The following TMX4 variants were observed in gnomAD, a reference collection of about 807,000 sequenced individuals.
TMX4 encodes the protein thioredoxin related transmembrane protein 4.
In TMX4, 23 loss-of-function variants were observed where a neutral mutation model predicts 33.3. That is an observed-to-expected ratio of 0.69 (90% CI 0.50 to 0.98). TMX4 has a LOEUF of 0.98. Among genes scored for constraint, TMX4 ranks in the 50% least tolerant of loss-of-function variants. The pLI, the probability that TMX4 is intolerant of heterozygous loss-of-function variation, is 0.00. For missense variants in TMX4, 399 were observed against 448.9 expected, an observed-to-expected ratio of 0.89 and a Z score of 1.01; for synonymous variants, 164 against 161.5, an observed-to-expected ratio of 1.02 and a Z score of -0.12.
rs763926432 is a variant in TMX4, at chr20:8,019,535, G to A, written c.79C>T (p.Pro27Ser). The change falls in exon 1 of 8, where the codon CCC becomes TCC. Residue 27 changes from proline (P) to serine (S), a missense_variant. Coordinates refer to ENST00000246024, the MANE Select transcript of TMX4 (RefSeq NM_021156.4). ...WIAAVAATAG[P>S]EEAALPPEQS... is the part of the protein sequence containing the mutation. Reference sequence around the variant, plus strand: ...TCCGGCGGCAGCGCGGCCTCCTCGGGGCCTGCCGTCGCCGCCACAGCCGCG... The same window carrying A: ...TCCGGCGGCAGCGCGGCCTCCTCGGAGCCTGCCGTCGCCGCCACAGCCGCG... 2.0e-6 allele frequency: 3 copies of A among 1,481,818 alleles called. No individual in the cohort carries two copies. The highest frequency in any genetic ancestry group is 1.3e-5 in the South Asian group (1 of 77,068). The allele number at this position is 1,481,818 out of a possible 1,614,324, so 91.8% of individuals were successfully genotyped here. A position where few individuals can be genotyped will look rare whatever the true frequency, so the allele number is the denominator to read the frequency against.
At chr20:8,010,366 C>A in intron 1 of TMX4, 51 bp from the exon 2 acceptor site, 3 of 1,166,324 alleles carry the variant, frequency 2.6e-6, no homozygotes, top group Non-Finnish European at 2.4e-6. Flanking sequence ...AAGAAATCTG[C>A]AAAACAGAGA....
intron 5 of TMX4, among the ~76,000 whole-genome samples, chr20:7,987,592 C>G (rs2050636510): frequency 6.6e-6 from 1 of 152,020 alleles, no homozygotes; most frequent in African/African-American, 2.4e-5. Flanking sequence ...AAAAGTTATA[C>G]TTGCTTAGAG....
chr20:7,982,204 G>A lies in TMX4; in HGVS notation c.*47C>T, dbSNP rs756071341. The A allele has an allele frequency of 5.1e-6, 8 of 1,559,282 alleles. No individual in the cohort carries two copies. In the Admixed American group the frequency reaches 1.3e-4, roughly 25 times the overall value. ...GGTACAAACTGCAGGCCAAAGGGAA[G>A]CTGACATATTGTTTTGGTGTGTATT... On this transcript the variant is annotated 3_prime_UTR_variant, in exon 8 of 8. Coordinates refer to ENST00000246024, the MANE Select transcript of TMX4 (RefSeq NM_021156.4).
intron 5 of TMX4, among the ~76,000 whole-genome samples, chr20:7,991,980 CAT>C (rs2050657164): frequency 6.6e-6 from 1 of 152,236 alleles, no homozygotes; most frequent in South Asian, 2.1e-4. Context: ...TCTCTCCACA[CAT>C]GTGCCACACA....
At chr20:7,991,177 T>C (rs1321705741) in intron 5 of TMX4, among the ~76,000 whole-genome samples, 1 of 152,210 alleles carries the variant, frequency 6.6e-6, no homozygotes, top group Non-Finnish European at 1.5e-5. Flanking sequence ...TCACACAGAT[T>C]GTCCTCCCAA....
In TMX4 at chr20:7,982,139, T is replaced by A. The variant is rs2050608774; in HGVS notation, c.*112A>T. On this transcript the variant is annotated 3_prime_UTR_variant, in exon 8 of 8. Transcript: ENST00000246024. The stretch of plus-strand genomic sequence containing the variant: ...GAGACCAAATGACTAGAGAGCATCT[T>A]TTAAGAGAAGCTTGCTCATTCAGGA... The A allele has an allele frequency of 8.6e-7, 1 of 1,162,540 alleles. No homozygotes were observed. The highest frequency in any genetic ancestry group is 1.2e-6 in the Non-Finnish European group (1 of 841,288). The allele number at this position is 1,162,540 out of a possible 1,614,324, so 72.0% of individuals were successfully genotyped here.
At chr20:8,015,105 G>T (rs925879642) in intron 1 of TMX4, among the ~76,000 whole-genome samples, 2 of 152,026 alleles carry the variant, frequency 1.3e-5, no homozygotes, top group African/African-American at 4.8e-5. Flanking sequence ...TGGAACATGT[G>T]ATGTAAGCCA....
intron 6 of TMX4, among the ~76,000 whole-genome samples, chr20:7,986,381 C>G (rs981699060): frequency 6.6e-6 from 1 of 151,996 alleles, no homozygotes; most frequent in Non-Finnish European, 1.5e-5. Flanking sequence ...TACTATAAGT[C>G]AATTGTTAAC....
intron 2 of TMX4, 146 bp from the exon 3 acceptor site, chr20:8,001,687 T>G (rs2050708302): frequency 1.3e-6 from 1 of 783,866 alleles, no homozygotes; most frequent in Non-Finnish European, 2.0e-6. Context: ...AAATTTCATT[T>G]CTACCTATTT....
intron 2 of TMX4, among the ~76,000 whole-genome samples, chr20:8,003,441 A>T (rs2050715607): frequency 6.6e-6 from 1 of 152,136 alleles, no homozygotes; most frequent in Non-Finnish European, 1.5e-5. Context: ...GCTCTTTTGT[A>T]TGTTCTTAGT....
At position 7,982,570 on chromosome 20, in the gene TMX4, G is replaced by A. The variant is rs199647107; in HGVS notation, c.731C>T (p.Ala244Val). ...EAHRAEQLQD[A>V]EEEKDDSNEE... is the part of the protein sequence containing the mutation. ...ATTTGAATCATCTTTTTCCTCCTCC[G>A]CATCCTGCAACTGTTCAGCTCTATG... The change falls in exon 8 of 8, where the codon GCG (alanine) becomes GTG (valine). Residue 244 changes from alanine to valine, a missense_variant. Physicochemically the swap from Ala to Val is moderately conservative, Grantham distance 64. Coordinates refer to ENST00000246024, the MANE Select transcript of TMX4 (RefSeq NM_021156.4). 1.1e-4 allele frequency: 171 copies of A among 1,613,178 alleles called. No homozygotes were observed. Among genetic ancestry groups the A allele is most frequent in the Non-Finnish European group, 1.3e-4 (149 of 1,179,924 alleles).
At chr20:8,006,012 T>C (rs80068621) in intron 2 of TMX4, among the ~76,000 whole-genome samples, 1 of 108,492 alleles carries the variant, frequency 9.2e-6, no homozygotes, top group Non-Finnish European at 2.1e-5. Flanking sequence ...GGCAGGGGGG[T>C]GTCTAATTGA....
chr20:7,992,984 A>T (rs1183766611), intron 5 of TMX4, among the ~76,000 whole-genome samples: 1 of 152,224 alleles, frequency 6.6e-6, no homozygotes, highest in East Asian at 1.9e-4. Context: ...GCATTTTCCT[A>T]TATACACACA....
intron 1 of TMX4, among the ~76,000 whole-genome samples, chr20:8,018,337 GA>G: frequency 8.2e-6 from 1 of 121,424 alleles, no homozygotes. Flanking sequence ...GAGAGAGAGA[GA>G]GAGAGAGGAG....
chr20:7,999,175 T>C (rs1393343537), intron 4 of TMX4, among the ~76,000 whole-genome samples: 1 of 152,194 alleles, frequency 6.6e-6, no homozygotes, highest in East Asian at 1.9e-4. Context: ...TCTATATATA[T>C]GACAATCCAT....
At position 7,987,287 on chromosome 20, in the gene TMX4, C is replaced by T. The variant is rs1194062494; in HGVS notation, c.615+1G>A. On this transcript the variant is annotated splice_donor_variant, in intron 6 of 7. Transcript: ENST00000246024. LOFTEE classifies it high-confidence loss of function. ...AGAAAAAGTTTGGTATTATCTCTTA[C>T]CAGACCCATAAAAAGGCCAAAAACC... is the stretch of plus-strand genomic sequence containing the variant. 2 of 1,573,646 alleles carry T rather than the reference C, an allele frequency of 1.3e-6. No individual in the cohort carries two copies. The highest frequency in any genetic ancestry group is 1.7e-6 in the Non-Finnish European group (2 of 1,162,570).
chr20:7,999,603 T>A (rs940268665), intron 4 of TMX4, 129 bp downstream of exon 4: 2 of 1,050,272 alleles, frequency 1.9e-6, no homozygotes, highest in African/African-American at 1.6e-5. Flanking sequence ...GGGCTAAGCA[T>A]GGCCATGAGT....
intron 1 of TMX4, chr20:8,019,093 G>T: frequency 2.1e-6 from 1 of 483,404 alleles, no homozygotes; most frequent in Non-Finnish European, 4.0e-6. Context: ...TCCTCCCTAT[G>T]GGAAGCTGCC....
At chr20:8,016,599 C>T (rs924360930) in intron 1 of TMX4, among the ~76,000 whole-genome samples, 3 of 152,086 alleles carry the variant, frequency 2.0e-5, no homozygotes, top group Non-Finnish European at 4.4e-5. Flanking sequence ...ATAATAGAAG[C>T]TTTTCATGTC....
Sources: gnomAD v4.1 joint callset for allele counts (sites outside exome capture counted in the v4.1 genomes callset) on GRCh38, gnomAD v4.1.1 for gene constraint, MANE v1.5 for transcripts, NCBI Gene and HGNC (gene_info 2026-07-23, HGNC 2026-07-21) for gene names.